Variants in JAKMIP2 observed in about 807,000 individuals in gnomAD.
JAKMIP2 encodes the protein janus kinase and microtubule-interacting protein 2.
Under a neutral mutation model 115.0 loss-of-function variants are expected in JAKMIP2, and 25 were observed. That is an observed-to-expected ratio of 0.22 (90% CI 0.16 to 0.30). The LOEUF (loss-of-function observed/expected upper bound fraction) is 0.30. JAKMIP2 is among the 10% of genes least tolerant of loss of function. The probability of loss-of-function intolerance (pLI) is 1.00; values close to 1 mark genes in which losing one functional copy is unlikely to be tolerated. For synonymous variants in JAKMIP2, 334 were observed against 343.6 expected (o/e 0.97, Z 0.31); for missense variants, 642 against 957.6 (o/e 0.67, Z 4.35).
Position 147,686,572 on chromosome 5 carries a change from C to T in JAKMIP2, c.-148-14618G>A, listed in dbSNP as rs529250787. On this transcript the variant is annotated intron_variant, in intron 1 of 21. Coordinates refer to ENST00000616793, the MANE Select transcript of JAKMIP2 (RefSeq NM_001270941.2). ...TTAGCACAGTGCCTCATAGTAGAAA[C>T]TCTAAAATGTTTGCTGAAGGGGTAC... Among the ~76,000 whole-genome samples the T allele has an allele frequency of 3.3e-5, 5 of 152,282 alleles. No homozygotes were observed. In the South Asian group the frequency reaches 8.3e-4, roughly 25 times the overall value.
chr5:147,612,131 A>T (rs1235052258), intron 20 of JAKMIP2, 175 bp downstream of exon 20: 1 of 737,456 alleles, frequency 1.4e-6, no homozygotes, highest in Middle Eastern at 2.3e-4. Flanking sequence ...TACTGATGGC[A>T]GACGCTTTGC....
chr5:147,680,466 G>A (rs753509790), intron 1 of JAKMIP2, among the ~76,000 whole-genome samples: 9 of 150,696 alleles, frequency 6.0e-5, no homozygotes. Flanking sequence ...ACTGCAATGT[G>A]ATGTGAAAGC....
intron 1 of JAKMIP2, among the ~76,000 whole-genome samples, chr5:147,709,621 C>T (rs543314762): frequency 1.1e-4 from 17 of 152,086 alleles, no homozygotes; most frequent in Non-Finnish European, 5.9e-5. Context: ...AAGGCCGAGG[C>T]GGGTGGATCA....
intron 1 of JAKMIP2, among the ~76,000 whole-genome samples, chr5:147,730,131 C>G (rs900156082): frequency 6.6e-6 from 1 of 152,170 alleles, no homozygotes; most frequent in Non-Finnish European, 1.5e-5. Flanking sequence ...CTGGCACACT[C>G]GGTGATTTCC....
chr5:147,628,056 G>A (rs72835137), intron 16 of JAKMIP2, among the ~76,000 whole-genome samples: 13 of 151,406 alleles, frequency 8.6e-5, no homozygotes, highest in Non-Finnish European at 1.6e-4. Flanking sequence ...TGTTGCCTAG[G>A]CTGAAGTACA....
intron 7 of JAKMIP2, 28 bp from the exon 8 acceptor site, chr5:147,641,792 T>C (rs376792857): frequency 8.9e-6 from 14 of 1,578,616 alleles, no homozygotes; most frequent in Non-Finnish European, 1.2e-5. Context: ...GATTTTCAGA[T>C]CCAGAATTGG....
chr5:147,663,428 C>G (rs1759136137), intron 2 of JAKMIP2, among the ~76,000 whole-genome samples: 1 of 152,166 alleles, frequency 6.6e-6, no homozygotes, highest in South Asian at 2.1e-4. Flanking sequence ...TTCTCTTGTG[C>G]TGGATGCCTC....
intron 2 of JAKMIP2, chr5:147,661,647 A>T (rs1232921884): frequency 3.5e-6 from 2 of 572,144 alleles, no homozygotes; most frequent in East Asian, 3.0e-5. Context: ...GAGGATATTT[A>T]TATTACTTTG....
intron 1 of JAKMIP2, among the ~76,000 whole-genome samples, chr5:147,729,488 T>C (rs1050277065): frequency 3.3e-5 from 5 of 151,968 alleles, no homozygotes; most frequent in Admixed American, 1.3e-4. Flanking sequence ...AAAAGCTTTG[T>C]TCTGGCCAGG....
chr5:147,673,969 G>A (rs181461850), intron 1 of JAKMIP2, among the ~76,000 whole-genome samples: 7 of 152,142 alleles, frequency 4.6e-5, no homozygotes, highest in South Asian at 2.1e-4. Context: ...CGACCATTAT[G>A]CAAACACTAG....
At chr5:147,763,200 G>C (rs956665344) in intron 1 of JAKMIP2, among the ~76,000 whole-genome samples, 1 of 152,106 alleles carries the variant, frequency 6.6e-6, no homozygotes, top group African/African-American at 2.4e-5. Context: ...AAGGGGTGAA[G>C]AGTTAGAATA....
At chr5:147,775,574 CA>C (rs1420079609) in intron 1 of JAKMIP2, among the ~76,000 whole-genome samples, 5 of 152,104 alleles carry the variant, frequency 3.3e-5, no homozygotes, top group African/African-American at 1.2e-4. Context: ...ATGTAGTGAG[CA>C]GTCTTTAATG....
chr5:147,656,331 G>A (rs976266302), intron 3 of JAKMIP2, among the ~76,000 whole-genome samples: 2 of 152,192 alleles, frequency 1.3e-5, no homozygotes, highest in African/African-American at 4.8e-5. Context: ...AAGTCTCTTT[G>A]TAGGTCTCTA....
chr5:147,716,718 G>A (rs200207358), intron 1 of JAKMIP2, among the ~76,000 whole-genome samples: 1 of 148,736 alleles, frequency 6.7e-6, no homozygotes, highest in Admixed American at 6.7e-5. Context: ...TAAATTTGTT[G>A]GAGTTCATTG....
At chr5:147,611,942 A>G (rs1756348639) in intron 20 of JAKMIP2, among the ~76,000 whole-genome samples, 1 of 152,214 alleles carries the variant, frequency 6.6e-6, no homozygotes, top group Non-Finnish European at 1.5e-5. Flanking sequence ...TTTATGAATG[A>G]TAATGGGAAA....
intron 1 of JAKMIP2, among the ~76,000 whole-genome samples, chr5:147,687,344 T>G (rs1358760900): frequency 6.6e-6 from 1 of 152,132 alleles, no homozygotes; most frequent in East Asian, 1.9e-4. Context: ...GACCAACATG[T>G]AAATAATGAA....
chr5:147,750,297 T>G (rs1754500739), intron 1 of JAKMIP2, among the ~76,000 whole-genome samples: 1 of 152,116 alleles, frequency 6.6e-6, no homozygotes, highest in Non-Finnish European at 1.5e-5. Flanking sequence ...GGTAAACAGC[T>G]GCGTTCTTAA....
Position 147,771,669 on chromosome 5 carries a change from G to A in JAKMIP2, c.-149+10787C>T, listed in dbSNP as rs548372228. Among the ~76,000 whole-genome samples, 3 of 152,178 alleles carry A rather than the reference G, an allele frequency of 2.0e-5. No homozygotes were observed. The East Asian group carries it at 5.8e-4, about 29-fold the overall frequency. On this transcript the variant is annotated intron_variant, in intron 1 of 21. Coordinates refer to ENST00000616793, the MANE Select transcript of JAKMIP2 (RefSeq NM_001270941.2). The stretch of plus-strand genomic sequence containing the variant: ...TTAGGGCCATTAGTTACAAGCCACA[G>A]AGATCAGTTCACACAAATAAAGACT...
At chr5:147,759,485 T>C (rs1374754579) in intron 1 of JAKMIP2, among the ~76,000 whole-genome samples, 2 of 151,950 alleles carry the variant, frequency 1.3e-5, no homozygotes, top group Non-Finnish European at 2.9e-5. Context: ...GATATGAAAA[T>C]GAACAAAGAG....
Sources: gnomAD v4.1 joint callset for allele counts (sites outside exome capture counted in the v4.1 genomes callset) on GRCh38, gnomAD v4.1.1 for gene constraint, MANE v1.5 for transcripts, NCBI Gene and HGNC (gene_info 2026-07-23, HGNC 2026-07-21) for gene names.